The following MCC variants were observed in gnomAD, a reference collection of about 807,000 sequenced individuals.
MCC encodes the protein colorectal mutant cancer protein.
In MCC, 90 loss-of-function variants were observed where a neutral mutation model predicts 116.2. The ratio of observed to expected loss-of-function variants is 0.77; its 90% CI spans 0.65 to 0.92. The LOEUF (loss-of-function observed/expected upper bound fraction) is 0.92, where lower values mean the gene tolerates loss of function less well. Ranked by LOEUF, MCC falls within the 40% of genes least tolerant of loss-of-function variation. MCC has a pLI of 0.00. For synonymous variants in MCC, 578 were observed against 510.5 expected, an observed-to-expected ratio of 1.13 and a Z score of -1.78; for missense variants, 1,516 against 1,312.2, an observed-to-expected ratio of 1.16 and a Z score of -2.40.
At chr5:113,138,922 G>A (rs1470988410) in intron 5 of MCC, among the ~76,000 whole-genome samples, 2 of 152,138 alleles carry the variant, frequency 1.3e-5, no homozygotes, top group African/African-American at 2.4e-5. Context: ...TAACTGGCCT[G>A]TTATCCAGGT....
intron 1 of MCC, among the ~76,000 whole-genome samples, chr5:113,451,337 A>G (rs1261789864): frequency 6.6e-6 from 1 of 152,260 alleles, no homozygotes; most frequent in Admixed American, 6.5e-5. Flanking sequence ...AGCATTTTAA[A>G]TTAAATCTAC....
intron 8 of MCC, among the ~76,000 whole-genome samples, chr5:113,093,144 G>A (rs1403959386): frequency 6.6e-6 from 1 of 152,144 alleles, no homozygotes; most frequent in Non-Finnish European, 1.5e-5. Context: ...ACTATCTTAG[G>A]ACATGCACAA....
chr5:113,270,130 A>T (rs959281465), intron 3 of MCC, among the ~76,000 whole-genome samples: 20 of 152,140 alleles, frequency 1.3e-4, no homozygotes, highest in Non-Finnish European at 2.5e-4. Context: ...TCTAGATCTA[A>T]CTCTTTTACC....
At chr5:113,160,734 G>A (rs1561414662) in intron 3 of MCC, among the ~76,000 whole-genome samples, 2 of 152,182 alleles carry the variant, frequency 1.3e-5, no homozygotes, top group Non-Finnish European at 1.5e-5. Context: ...TTAGCATGGG[G>A]GATAGACAGG....
intron 1 of MCC, among the ~76,000 whole-genome samples, chr5:113,441,610 G>A (rs577666447): frequency 6.6e-6 from 1 of 152,066 alleles, no homozygotes; most frequent in African/African-American, 2.4e-5. Context: ...CCATCAACCC[G>A]TCACCTACAT....
intron 14 of MCC, among the ~76,000 whole-genome samples, chr5:113,060,309 C>A (rs1753130195): frequency 3.3e-5 from 5 of 152,126 alleles, no homozygotes. Context: ...CATGTACCAC[C>A]ATGCCTGGCT....
At chr5:113,368,038 C>A (rs962314503) in intron 2 of MCC, among the ~76,000 whole-genome samples, 1 of 152,218 alleles carries the variant, frequency 6.6e-6, no homozygotes, top group East Asian at 1.9e-4. Context: ...TGAAGCCAAG[C>A]CCCATCTCTA....
At chr5:113,226,101 G>A (rs367599656) in intron 3 of MCC, among the ~76,000 whole-genome samples, 5 of 152,340 alleles carry the variant, frequency 3.3e-5, no homozygotes, top group African/African-American at 9.6e-5. Context: ...GCTTGAACCC[G>A]CAAGGCGAAG....
intron 16 of MCC, among the ~76,000 whole-genome samples, chr5:113,044,152 G>A (rs879336732): frequency 1.3e-5 from 2 of 152,180 alleles, no homozygotes; most frequent in African/African-American, 2.4e-5. Flanking sequence ...TATCCTTGGT[G>A]CCCCATCCCA....
intron 5 of MCC, among the ~76,000 whole-genome samples, chr5:113,124,010 T>C (rs905038168): frequency 1.3e-5 from 2 of 152,050 alleles, no homozygotes; most frequent in Non-Finnish European, 2.9e-5. Flanking sequence ...ATCAGAGAAA[T>C]GTGAAGAACA....
intron 3 of MCC, among the ~76,000 whole-genome samples, chr5:113,270,755 T>C (rs1329732017): frequency 4.0e-5 from 6 of 151,346 alleles, no homozygotes; most frequent in African/African-American, 1.5e-4. Context: ...TGACCTGAGC[T>C]ATATCCCTAA....
intron 3 of MCC, among the ~76,000 whole-genome samples, chr5:113,196,787 T>C (rs1425573269): frequency 6.6e-6 from 1 of 152,122 alleles, no homozygotes; most frequent in Non-Finnish European, 1.5e-5. Context: ...AGGCAGAGGT[T>C]TCAGTGAGCC....
intron 1 of MCC, among the ~76,000 whole-genome samples, chr5:113,388,617 G>C (rs10053654): frequency 0.44 from 67,285 of 152,028 alleles, 16,351 homozygotes; most frequent in African/African-American, 0.64. Context: ...TGACATGCTG[G>C]TTCCCCTTTG....
At chr5:113,239,411 G>GAGA (rs1467413377) in intron 3 of MCC, among the ~76,000 whole-genome samples, 13 of 152,084 alleles carry the variant, frequency 8.5e-5, no homozygotes, top group Non-Finnish European at 1.9e-4. Context: ...TCTCCAGGGG[G>GAGA]TCCTCGCATG....
At chr5:113,386,437 C>T (rs1246806328) in intron 1 of MCC, among the ~76,000 whole-genome samples, 1 of 152,060 alleles carries the variant, frequency 6.6e-6, no homozygotes, top group Non-Finnish European at 1.5e-5. Flanking sequence ...CCTCCTTATC[C>T]CTAATTCTGT....
intron 3 of MCC, among the ~76,000 whole-genome samples, chr5:113,311,087 GCC>G (rs1767125070): frequency 6.6e-6 from 1 of 152,172 alleles, no homozygotes; most frequent in Non-Finnish European, 1.5e-5. Flanking sequence ...CTGTGATCAA[GCC>G]ACTGCACTTC....
At chr5:113,108,061 G>A (rs750229862) in intron 6 of MCC, among the ~76,000 whole-genome samples, 2 of 152,134 alleles carry the variant, frequency 1.3e-5, no homozygotes, top group East Asian at 1.9e-4. Flanking sequence ...AGTAACCATA[G>A]AGGCCAGGCG....
intron 3 of MCC, 27 bp downstream of exon 3, chr5:113,340,492 G>A (rs1767981487): frequency 6.3e-7 from 1 of 1,590,694 alleles, no homozygotes; most frequent in Non-Finnish European, 8.6e-7. Flanking sequence ...GCCGAAATAT[G>A]TATTCCATGA....
intron 17 of MCC, among the ~76,000 whole-genome samples, chr5:113,032,266 G>A (rs1751004970): frequency 1.3e-5 from 2 of 152,150 alleles, no homozygotes; most frequent in Admixed American, 6.5e-5. Context: ...AAATTAGCTG[G>A]GTGTGGTGGC....
Sources: allele counts gnomAD v4.1 joint callset (sites outside exome capture counted in the v4.1 genomes callset), GRCh38; gene constraint gnomAD v4.1.1; transcripts MANE v1.5; gene names NCBI Gene and HGNC (gene_info 2026-07-23, HGNC 2026-07-21).